Variants in APAF1 observed in about 807,000 individuals in gnomAD.
APAF1 encodes apoptotic peptidase activating factor 1.
Under a neutral mutation model 152.4 loss-of-function variants are expected in APAF1, and 91 were observed. The observed-to-expected ratio is 0.60, with a 90% CI of 0.50 to 0.71. The LOEUF is 0.71. Among genes scored for constraint, APAF1 ranks in the 30% least tolerant of loss-of-function variants. The pLI, the probability that APAF1 is intolerant of heterozygous loss-of-function variation, is 0.00. For missense variants in APAF1, 1,283 were observed against 1,472.0 expected (o/e 0.87, Z 2.10); for synonymous variants, 484 against 494.1 (o/e 0.98, Z 0.27).
intron 9 of APAF1, among the ~76,000 whole-genome samples, chr12:98,667,213 T>C (rs2097674066): frequency 6.6e-6 from 1 of 151,932 alleles, no homozygotes; most frequent in Admixed American, 6.6e-5. Flanking sequence ...CCTGAGTAGC[T>C]AATTCCCGAG....
chr12:98,728,433 A>G (rs2097754510), intron 26 of APAF1, among the ~76,000 whole-genome samples: 1 of 151,980 alleles, frequency 6.6e-6, no homozygotes, highest in African/African-American at 2.4e-5. Flanking sequence ...AAGTTACATA[A>G]TTAGTGCCGG....
intron 26 of APAF1, among the ~76,000 whole-genome samples, chr12:98,727,673 G>T (rs1296271548): frequency 1.3e-5 from 2 of 152,136 alleles, no homozygotes; most frequent in Non-Finnish European, 2.9e-5. Flanking sequence ...AGGCACGGTG[G>T]CTCACGCCTG....
intron 16 of APAF1, among the ~76,000 whole-genome samples, chr12:98,698,176 T>TA (rs1421669507): frequency 6.6e-6 from 1 of 152,214 alleles, no homozygotes; most frequent in African/African-American, 2.4e-5. Flanking sequence ...ATTCAGGCAA[T>TA]AGTTGCTTTT....
chr12:98,667,712 CT>C (rs1346444821), intron 10 of APAF1, 68 bp downstream of exon 10: 2 of 1,415,416 alleles, frequency 1.4e-6, no homozygotes, highest in Non-Finnish European at 1.9e-6. Context: ...CAAATAAGTG[CT>C]TTTTTTCTGT....
rs190638351 is a variant in APAF1 at position 98,729,860 on chromosome 12, G to T, written c.3600+2544G>T. Among the ~76,000 whole-genome samples, 93 of 152,256 alleles carry T rather than the reference G, an allele frequency of 6.1e-4. 1 individual carries two copies. The highest frequency in any genetic ancestry group is 1.7e-3 in the African/African-American group (71 of 41,540). On this transcript the variant is annotated intron_variant, in intron 26 of 26. Coordinates refer to ENST00000551964, the MANE Select transcript of APAF1 (RefSeq NM_181861.2). ...AGGACAGTTTTTAGCTTTATGAAAG[G>T]ATGTACTAAGGGGTACAAAAATACA...
intron 4 of APAF1, 34 bp downstream of exon 4, chr12:98,649,718 G>A (rs1380309616): frequency 1.3e-6 from 2 of 1,570,702 alleles, no homozygotes; most frequent in Non-Finnish European, 1.7e-6. Context: ...AGTCTAGTAA[G>A]GTAGATAGAC....
At chr12:98,684,330 C>G (rs2097695609) in intron 15 of APAF1, among the ~76,000 whole-genome samples, 1 of 151,938 alleles carries the variant, frequency 6.6e-6, no homozygotes. Flanking sequence ...GCTTGCTGCT[C>G]TGGCTGAATG....
intron 5 of APAF1, among the ~76,000 whole-genome samples, chr12:98,659,744 C>G (rs1242945053): frequency 9.7e-6 from 1 of 102,844 alleles, no homozygotes; most frequent in Non-Finnish European, 1.8e-5. Context: ...AAGAGTGAAA[C>G]TCCATCAGAA....
intron 12 of APAF1, 21 bp downstream of exon 12, chr12:98,671,740 A>G: frequency 6.2e-7 from 1 of 1,610,912 alleles, no homozygotes; most frequent in Non-Finnish European, 8.5e-7. Flanking sequence ...TAGGAGAGAA[A>G]CCAAAGGGAG....
In APAF1 at chr12:98,646,687, G is replaced by T. The variant is rs143982681; in HGVS notation, c.-42+852G>T. The stretch of plus-strand genomic sequence containing the variant: ...ATTGAATGAATGAATTGATAAACCC[G>T]TTTAGACTCTTTCACTCTATACATT... On this transcript the variant is annotated intron_variant, in intron 1 of 26. Transcript: ENST00000551964. Among the ~76,000 whole-genome samples the T allele has an allele frequency of 4.1e-3, 618 of 152,292 alleles. 2 individuals are homozygous for T. Among genetic ancestry groups the T allele is most frequent in the Non-Finnish European group, 7.1e-3 (481 of 68,026 alleles).
At chr12:98,660,817 C>T (rs1449011689) in intron 5 of APAF1, among the ~76,000 whole-genome samples, 3 of 152,144 alleles carry the variant, frequency 2.0e-5, no homozygotes, top group Non-Finnish European at 1.5e-5. Flanking sequence ...CCCAAGGATG[C>T]AGTATACTTT....
At chr12:98,682,450 G>A (rs183215749) in intron 14 of APAF1, among the ~76,000 whole-genome samples, 18 of 152,342 alleles carry the variant, frequency 1.2e-4, no homozygotes, top group African/African-American at 3.6e-4. Context: ...ACAGCTTGCA[G>A]GGTTAAGTGT....
rs373708723 is a variant in APAF1, at chr12:98,647,357, T to C, written c.-41-962T>C. Among the ~76,000 whole-genome samples, 8 of 151,752 alleles carry C rather than the reference T, an allele frequency of 5.3e-5. No individual in the cohort carries two copies. The East Asian group carries it at 1.2e-3, about 22-fold the overall frequency. On this transcript the variant is annotated intron_variant, in intron 1 of 26. Coordinates refer to ENST00000551964, the MANE Select transcript of APAF1 (RefSeq NM_181861.2). ...GAATAAACTTCTAAACGTCTATATA[T>C]ATTCATATGATACCAACACTTGTTT...
At position 98,666,059 on chromosome 12, in the gene APAF1, T is replaced by C. The variant is rs2097672291; in HGVS notation, c.1195-131T>C. On this transcript the variant is annotated intron_variant, in intron 8 of 26. Coordinates refer to ENST00000551964, the MANE Select transcript of APAF1 (RefSeq NM_181861.2). Reference sequence around the variant, plus strand: ...TTCTATCTTGAGGAGTAGCTGAGTTTCTTCTTAAGAAATGGAGACATTCTT... The same window carrying C: ...TTCTATCTTGAGGAGTAGCTGAGTTCCTTCTTAAGAAATGGAGACATTCTT... 1.9e-5 allele frequency: 17 copies of C among 890,428 alleles called. No individual in the cohort carries two copies. The South Asian group carries it at 2.5e-4, about 13-fold the overall frequency. 55.2% of individuals were successfully genotyped at this position (890,428 alleles called of 1,614,324 possible).
At chr12:98,679,963 A>G (rs565752582) in intron 13 of APAF1, among the ~76,000 whole-genome samples, 16 of 152,368 alleles carry the variant, frequency 1.1e-4, no homozygotes, top group Non-Finnish European at 1.9e-4. Context: ...AGTGGGTGAA[A>G]CAAGACCAGT....
At chr12:98,652,099 G>A (rs1254984855) in intron 4 of APAF1, among the ~76,000 whole-genome samples, 1 of 152,162 alleles carries the variant, frequency 6.6e-6, no homozygotes, top group East Asian at 1.9e-4. Context: ...GCAGGTGTAA[G>A]CCACCATGCT....
chr12:98,729,624 CTT>C (rs1370170701), intron 26 of APAF1, among the ~76,000 whole-genome samples: 1 of 152,226 alleles, frequency 6.6e-6, no homozygotes, highest in African/African-American at 2.4e-5. Flanking sequence ...ATTCTGAAAG[CTT>C]TTTCATTCAA....
At chr12:98,699,702 T>G (rs977454288) in intron 17 of APAF1, 133 bp downstream of exon 17, 4 of 968,726 alleles carry the variant, frequency 4.1e-6, no homozygotes, top group Non-Finnish European at 6.3e-6. Context: ...TCCTAACCTG[T>G]CATGGTTCTT....
chr12:98,653,743 C>T (rs1410428480), intron 4 of APAF1, among the ~76,000 whole-genome samples: 1 of 104,290 alleles, frequency 9.6e-6, no homozygotes, highest in Non-Finnish European at 1.8e-5. Flanking sequence ...CTATTTATGT[C>T]TATACAGTTT....
Sources: gnomAD v4.1 joint callset for allele counts (sites outside exome capture counted in the v4.1 genomes callset) on GRCh38, gnomAD v4.1.1 for gene constraint, MANE v1.5 for transcripts, NCBI Gene and HGNC (gene_info 2026-07-23, HGNC 2026-07-21) for gene names.